The following DNAH8 variants were observed in gnomAD, a reference collection of about 807,000 sequenced individuals.
The protein encoded by DNAH8 is axonemal beta dynein heavy chain 8.
In DNAH8, 382 loss-of-function variants were observed where a neutral mutation model predicts 562.1. That is an observed-to-expected ratio of 0.68 (90% CI 0.63 to 0.74). The LOEUF (loss-of-function observed/expected upper bound fraction) is 0.74, where lower values mean the gene tolerates loss of function less well. Ranked by LOEUF, DNAH8 falls within the 30% of genes least tolerant of loss-of-function variation. The probability of loss-of-function intolerance (pLI) is 0.00; values close to 1 mark genes in which losing one functional copy is unlikely to be tolerated. For synonymous variants in DNAH8, 1,881 were observed against 1,919.4 expected (o/e 0.98, Z 0.52); for missense variants, 5,203 against 5,620.4 (o/e 0.93, Z 2.37).
intron 91 of DNAH8, among the ~76,000 whole-genome samples, chr6:39,024,563 G>A (rs1379863602): frequency 2.0e-5 from 3 of 152,116 alleles, no homozygotes; most frequent in African/African-American, 4.8e-5. Context: ...ACAGTGGCTC[G>A]CATCTGTAAA....
chr6:38,938,721 T>A, intron 78 of DNAH8, 77 bp from the exon 79 acceptor site: 1 of 984,082 alleles, frequency 1.0e-6, no homozygotes, highest in Non-Finnish European at 1.5e-6. Context: ...CAAACCTTCA[T>A]GTGTACCCCT....
intron 33 of DNAH8, among the ~76,000 whole-genome samples, chr6:38,841,279 C>T (rs1193930186): frequency 2.6e-5 from 4 of 151,880 alleles, no homozygotes; most frequent in African/African-American, 2.4e-5. Flanking sequence ...ATTAGCCGGG[C>T]GTGGTGGCAT....
At chr6:38,715,925 A>AATAAATAT (rs1453678814) in intron 1 of DNAH8, among the ~76,000 whole-genome samples, 1 of 36,890 alleles carries the variant, frequency 2.7e-5, no homozygotes, top group Non-Finnish European at 4.7e-5. Flanking sequence ...TAAATAAATA[A>AATAAATAT]ATATATATAT....
chr6:38,845,829 C>A, intron 36 of DNAH8, 56 bp downstream of exon 36: 1 of 1,453,012 alleles, frequency 6.9e-7, no homozygotes, highest in Non-Finnish European at 9.6e-7. Context: ...TTATAAAATT[C>A]TAAGTAAAAG....
At chr6:38,720,909 GA>G (rs142199638) in intron 1 of DNAH8, among the ~76,000 whole-genome samples, 8,996 of 152,110 alleles carry the variant, frequency 0.059, 302 homozygotes, top group African/African-American at 0.076. Context: ...AAAAAACCCA[GA>G]AATTTTGGAA....
chr6:38,781,686 C>T lies in DNAH8; in HGVS notation c.2259+313C>T, dbSNP rs79939557. ...TAAAAAATTTGAAAACAATAAAGTACAGGCCTAGCACAGAAGCTTACTTCT... is the reference window on the plus strand; with the variant it reads ...TAAAAAATTTGAAAACAATAAAGTATAGGCCTAGCACAGAAGCTTACTTCT... On this transcript the variant is annotated intron_variant, in intron 16 of 92. Transcript: ENST00000327475. Among the ~76,000 whole-genome samples, 3,247 of 152,186 alleles carry T rather than the reference C, an allele frequency of 0.021. 124 individuals carry two copies. The highest frequency in any genetic ancestry group is 0.073 in the African/African-American group (3,049 of 41,506).
Position 38,842,456 on chromosome 6 carries a change from G to A in DNAH8, c.4555G>A (p.Asp1519Asn), listed in dbSNP as rs1200066011. Residue 1519 changes from aspartate to asparagine, a missense_variant, in exon 34 of 93, where the codon GAT (aspartate) becomes AAT (asparagine). Physicochemically the swap from Asp to Asn is conservative, Grantham distance 23. Transcript: ENST00000327475. ...ISGYYEILWG[D>N]VDIEKINAEL... is the part of the protein sequence containing the mutation. ...TGGTTATTATGAAATACTTTGGGGA[G>A]ATGTAGATATTGAAAAAATTAATGC... 1.2e-6 allele frequency: 2 copies of A among 1,613,070 alleles called. No homozygotes were observed. The highest frequency in any genetic ancestry group is 1.7e-6 in the Non-Finnish European group (2 of 1,179,532).
intron 77 of DNAH8, among the ~76,000 whole-genome samples, chr6:38,937,023 A>T (rs901625240): frequency 4.0e-5 from 6 of 151,360 alleles, no homozygotes; most frequent in African/African-American, 7.3e-5. Flanking sequence ...AAACAATAAT[A>T]AAAAAAAAGG....
At position 38,741,787 on chromosome 6, in the gene DNAH8, G is replaced by A. The variant is rs1051264232; in HGVS notation, c.1193G>A (p.Arg398His). 15 of 1,614,010 alleles carry A rather than the reference G, an allele frequency of 9.3e-6. No individual in the cohort carries two copies. Among genetic ancestry groups the A allele is most frequent in the Middle Eastern group, 3.3e-4 (2 of 6,060 alleles). ...CTCACTGAATTGGAACACTGGAAAC[G>A]CATGTCAGCCAAGTTCAACTATATC... ...GPLTELEHWK[R>H]MSAKFNYIIE... The change falls in exon 8 of 93, where the codon CGC becomes CAC. Residue 398 changes from arginine to histidine, a missense_variant. Physicochemically the swap from Arg to His is conservative, Grantham distance 29. Around this residue, in one of 6 missense-constraint regions of DNAH8, gnomAD observed 556 missense variants for 496.9 expected, o/e 1.12. Coordinates refer to ENST00000327475, the MANE Select transcript of DNAH8 (RefSeq NM_001206927.2).
rs753922762 is a variant in DNAH8 at position 38,722,766 on chromosome 6, A to G, written c.-34-10A>G. ...CTGTAGTTTTAAACGAACCTATGTT[A>G]TAATTCTAGGTTTCGAAGTATAAAG... is the stretch of plus-strand genomic sequence containing the variant. On this transcript the variant is annotated splice_polypyrimidine_tract_variant and intron_variant, in intron 1 of 92. Coordinates refer to ENST00000327475, the MANE Select transcript of DNAH8 (RefSeq NM_001206927.2). 2.0e-6 allele frequency: 3 copies of G among 1,514,798 alleles called. No individual in the cohort carries two copies. Among genetic ancestry groups the G allele is most frequent in the Non-Finnish European group, 2.6e-6 (3 of 1,132,710 alleles). The allele number at this position is 1,514,798 out of a possible 1,614,324, so 93.8% of individuals were successfully genotyped here.
chr6:38,766,989 T>A (rs2395704), intron 11 of DNAH8, among the ~76,000 whole-genome samples: 5,774 of 152,272 alleles, frequency 0.038, 382 homozygotes, highest in African/African-American at 0.13. Context: ...TAATTAAAAA[T>A]TTTTAATTAT....
intron 57 of DNAH8, among the ~76,000 whole-genome samples, chr6:38,888,115 A>G (rs574900044): frequency 6.6e-6 from 1 of 152,240 alleles, no homozygotes; most frequent in African/African-American, 2.4e-5. Context: ...CTGGGATTAC[A>G]GGCATGAGCC....
chr6:38,928,803 G>A (rs866876874), intron 74 of DNAH8, among the ~76,000 whole-genome samples: 1 of 152,248 alleles, frequency 6.6e-6, no homozygotes, highest in South Asian at 2.1e-4. Context: ...TAGGCAGGGG[G>A]AGGGATCCTA....
chr6:38,791,181 G>A (rs1314277450), intron 20 of DNAH8, among the ~76,000 whole-genome samples: 1 of 152,158 alleles, frequency 6.6e-6, no homozygotes, highest in Non-Finnish European at 1.5e-5. Flanking sequence ...AGGCTTTGGA[G>A]TTAGATAAAC....
chr6:38,997,988 C>T (rs542197439), intron 88 of DNAH8, among the ~76,000 whole-genome samples: 1 of 152,324 alleles, frequency 6.6e-6, no homozygotes, highest in South Asian at 2.1e-4. Flanking sequence ...GAACTCCTGA[C>T]CTCAAGTGAT....
At chr6:38,951,756 T>C (rs1476506834) in intron 82 of DNAH8, among the ~76,000 whole-genome samples, 1 of 152,158 alleles carries the variant, frequency 6.6e-6, no homozygotes, top group Admixed American at 6.5e-5. Context: ...TTTGATTGGT[T>C]GTGTTTTAAG....
chr6:38,886,214 C>T (rs1191716644), intron 56 of DNAH8, among the ~76,000 whole-genome samples: 1 of 151,894 alleles, frequency 6.6e-6, no homozygotes, highest in Non-Finnish European at 1.5e-5. Flanking sequence ...GATGAGTGGA[C>T]AATGAGTGGC....
At chr6:38,926,004 A>G in intron 73 of DNAH8, 51 bp from the exon 74 acceptor site, 1 of 1,486,198 alleles carries the variant, frequency 6.7e-7, no homozygotes, top group Non-Finnish European at 9.1e-7. Context: ...ATTACTAATG[A>G]GGGCATTCCT....
chr6:38,971,337 AGCCCACCATACGT>A (rs1348852065), intron 82 of DNAH8, among the ~76,000 whole-genome samples: 1 of 152,112 alleles, frequency 6.6e-6, no homozygotes, highest in African/African-American at 2.4e-5. Flanking sequence ...ACTCTCTAAA[AGCCCACCATACGT>A]GCCTTTTTCT....
Sources: allele counts gnomAD v4.1 joint callset (sites outside exome capture counted in the v4.1 genomes callset), GRCh38; gene constraint gnomAD v4.1.1; regional missense constraint gnomAD v4.1.1; transcripts MANE v1.5; gene names NCBI Gene and HGNC (gene_info 2026-07-23, HGNC 2026-07-21).